The following POSTN variants were observed in gnomAD, a reference collection of about 807,000 sequenced individuals.
The protein encoded by POSTN is periostin.
POSTN carries 71 observed loss-of-function variants against 104.5 expected under a neutral mutation model. The observed-to-expected ratio is 0.68, with a 90% CI of 0.56 to 0.83. The LOEUF is 0.83. Ranked by LOEUF, POSTN falls within the 40% of genes least tolerant of loss-of-function variation. The pLI is 0.00. For synonymous variants in POSTN, 355 were observed against 340.7 expected, an observed-to-expected ratio of 1.04 and a Z score of -0.46; for missense variants, 949 against 1,006.8, an observed-to-expected ratio of 0.94 and a Z score of 0.78.
chr13:37,575,008 T>C (rs1287890279), intron 16 of POSTN, among the ~76,000 whole-genome samples: 2 of 152,054 alleles, frequency 1.3e-5, no homozygotes, highest in Non-Finnish European at 1.5e-5. Flanking sequence ...CAAATATGAT[T>C]AATGTCATGC....
At chr13:37,586,002 G>A in intron 7 of POSTN, 137 bp downstream of exon 7, 1 of 654,954 alleles carries the variant, frequency 1.5e-6, no homozygotes, top group Non-Finnish European at 2.4e-6. Flanking sequence ...ACTTTTGGAA[G>A]ACATAGTACA....
chr13:37,574,434 A>G, intron 17 of POSTN, 138 bp downstream of exon 17: 1 of 1,170,880 alleles, frequency 8.5e-7, no homozygotes, highest in East Asian at 3.1e-5. Flanking sequence ...CAATTACATG[A>G]GCATGCCATT....
Position 37,590,380 on chromosome 13 carries a change from A to C in POSTN, c.433T>G (p.Leu145Val). ...FAPSNEAWDN[L>V]DSDIRRGLES... ...TAAAAATAATGAATTACAGAATCCA[A>C]GTTGTCCCAAGCCTCATTACTCGGT... Residue 145 changes from leucine (L) to valine (V), a missense_variant, in exon 4 of 23, where the codon TTG (leucine) becomes GTG (valine). Physicochemically the swap from Leu to Val is conservative, Grantham distance 32 (BLOSUM62 1). Coordinates refer to ENST00000379747, the MANE Select transcript of POSTN (RefSeq NM_006475.3). 6.4e-7 allele frequency: 1 copy of C among 1,561,652 alleles called. No homozygotes were observed. Among genetic ancestry groups the C allele is most frequent in the Non-Finnish European group, 8.7e-7 (1 of 1,153,620 alleles).
intron 10 of POSTN, among the ~76,000 whole-genome samples, chr13:37,581,589 G>C (rs1222002136): frequency 6.6e-6 from 1 of 152,074 alleles, no homozygotes; most frequent in Non-Finnish European, 1.5e-5. Context: ...CTAGGGTGAT[G>C]TTGTGCACCT....
chr13:37,584,704 A>G lies in POSTN; in HGVS notation c.1108+12T>C. On this transcript the variant is annotated intron_variant, in intron 8 of 22. Transcript: ENST00000379747. ...TAAAAAAACAAAAACAAAAACAAAA[A>G]AAGTTGCTTACCAGAATCAGGAATT... The G allele has an allele frequency of 1.9e-6, 3 of 1,604,922 alleles. No individual in the cohort carries two copies. Among genetic ancestry groups the G allele is most frequent in the South Asian group, 1.1e-5 (1 of 90,186 alleles).
In POSTN at chr13:37,579,916, C is replaced by T. The variant is rs1214083967; in HGVS notation, c.1605G>A (p.Val535=). The T allele has an allele frequency of 6.2e-6, 10 of 1,613,442 alleles. No homozygotes were observed. The highest frequency in any genetic ancestry group is 8.5e-6 in the Non-Finnish European group (10 of 1,179,536). The part of the protein sequence containing the change: ...LTQPGDWTLF[V]PTNDAFKGMT... ...TTCCCTTAAAAGCATCATTGGTTGG[C>T]ACAAATAATGTCCAGTCTCCAGGTT... Residue 535 remains valine (V), a synonymous_variant, in exon 12 of 23, where the codon GTG becomes GTA. Coordinates refer to ENST00000379747, the MANE Select transcript of POSTN (RefSeq NM_006475.3).
intron 4 of POSTN, 126 bp from the exon 5 acceptor site, chr13:37,588,112 C>A (rs1386749792): frequency 2.6e-6 from 2 of 754,800 alleles, no homozygotes; most frequent in East Asian, 2.8e-5. Context: ...ACAAAATTGA[C>A]ATAAATAACT....
chr13:37,583,921 A>G, intron 9 of POSTN, 48 bp downstream of exon 9: 1 of 1,561,988 alleles, frequency 6.4e-7, no homozygotes, highest in Non-Finnish European at 8.7e-7. Context: ...TCATAAAGAA[A>G]AAAAGGTGTG....
chr13:37,577,591 G>C (rs183069377), intron 16 of POSTN, among the ~76,000 whole-genome samples, 162 bp downstream of exon 16: 26 of 152,220 alleles, frequency 1.7e-4, no homozygotes, highest in African/African-American at 3.6e-4. Context: ...GGAGTTGAAG[G>C]TTATCTGAGA....
At chr13:37,583,201 A>G (rs1294931045) in intron 9 of POSTN, among the ~76,000 whole-genome samples, 1 of 152,200 alleles carries the variant, frequency 6.6e-6, no homozygotes, top group East Asian at 1.9e-4. Flanking sequence ...AAATATTTAT[A>G]TATACTATTT....
chr13:37,569,788 C>T lies in POSTN; in HGVS notation c.2303G>A (p.Gly768Glu), dbSNP rs1391157058. ...PEIKYTRIST[G>E]GGETEETLKK... ...CAGAGTTTCTTCTGTTTCTCCACCT[C>T]CAGTAGAAATCCTAGTGTATTTTAT... Residue 768 changes from glycine (G) to glutamate (E), a missense_variant, in exon 20 of 23, where the codon GGA becomes GAA. Gly to Glu is a moderately conservative substitution (Grantham distance 98). Coordinates refer to ENST00000379747, the MANE Select transcript of POSTN (RefSeq NM_006475.3). 3.7e-6 allele frequency: 6 copies of T among 1,605,722 alleles called. No individual in the cohort carries two copies. Among genetic ancestry groups the T allele is most frequent in the Non-Finnish European group, 5.1e-6 (6 of 1,173,388 alleles).
chr13:37,577,177 G>A (rs1406768146), intron 16 of POSTN, among the ~76,000 whole-genome samples: 1 of 152,106 alleles, frequency 6.6e-6, no homozygotes, highest in Admixed American at 6.5e-5. Context: ...AAGTAGTAGA[G>A]GTTTAATTTT....
At chr13:37,580,523 G>T in intron 11 of POSTN, 38 bp downstream of exon 11, 2 of 1,611,454 alleles carry the variant, frequency 1.2e-6, no homozygotes, top group Non-Finnish European at 1.7e-6. Context: ...TATGCCAATA[G>T]CTCTCATTCT....
At chr13:37,565,519 C>G (rs911718686) in intron 21 of POSTN, 1 of 151,934 alleles carries the variant, frequency 6.6e-6, no homozygotes, top group Non-Finnish European at 1.5e-5. Context: ...AAAAAGTAAG[C>G]AATGAAACTG....
intron 20 of POSTN, 93 bp downstream of exon 20, chr13:37,569,651 G>T: frequency 1.0e-6 from 1 of 999,152 alleles, no homozygotes; most frequent in Non-Finnish European, 1.6e-6. Context: ...ACAATAGATT[G>T]AGATAGAGTA....
At position 37,569,775 on chromosome 13, in the gene POSTN, T is replaced by C. The variant is rs750453388; in HGVS notation, c.2316A>G (p.Thr772=). ...GTAACAATTTCTTCAGAGTTTCTTC[T>C]GTTTCTCCACCTCCAGTAGAAATCC... ...YTRISTGGGE[T]EETLKKLLQE... The change falls in exon 20 of 23, where the codon ACA becomes ACG. Residue 772 remains threonine (T), a synonymous_variant. Transcript: ENST00000379747. 1.2e-6 allele frequency: 2 copies of C among 1,604,906 alleles called. No individual in the cohort carries two copies. Among genetic ancestry groups the C allele is most frequent in the Non-Finnish European group, 1.7e-6 (2 of 1,172,486 alleles).
intron 8 of POSTN, 86 bp downstream of exon 8, chr13:37,584,630 T>G (rs920944733): frequency 1.1e-5 from 12 of 1,139,614 alleles, no homozygotes; most frequent in Non-Finnish European, 1.5e-5. Context: ...CACATTCATT[T>G]TTCATGGACT....
At chr13:37,588,042 C>T in intron 4 of POSTN, 56 bp from the exon 5 acceptor site, 1 of 1,354,206 alleles carries the variant, frequency 7.4e-7, no homozygotes, top group African/African-American at 1.5e-5. Flanking sequence ...TAGTAAAAGT[C>T]TTACGATCAC....
chr13:37,587,798 G>C, intron 5 of POSTN, 24 bp downstream of exon 5: 1 of 1,489,668 alleles, frequency 6.7e-7, no homozygotes, highest in South Asian at 1.2e-5. Context: ...TTTCATAAGT[G>C]TACTTTTTAC....
Sources: gnomAD v4.1 joint callset for allele counts (sites outside exome capture counted in the v4.1 genomes callset) on GRCh38, gnomAD v4.1.1 for gene constraint, MANE v1.5 for transcripts, NCBI Gene and HGNC (gene_info 2026-07-23, HGNC 2026-07-21) for gene names.